DCC: variants seen among roughly 807,000 people sequenced by gnomAD.
DCC encodes DCC netrin 1 receptor.
In DCC, 58 loss-of-function variants were observed where a neutral mutation model predicts 172.5. That is an observed-to-expected ratio of 0.34 (90% confidence interval 0.27 to 0.42). The LOEUF is 0.42. DCC is among the 10% of genes least tolerant of loss of function. The probability of loss-of-function intolerance (pLI) is 1.00; values close to 1 mark genes in which losing one functional copy is unlikely to be tolerated. For missense variants in DCC, 1,740 were observed against 1,791.0 expected (o/e 0.97, Z 0.51); for synonymous variants, 709 against 644.5 (o/e 1.10, Z -1.52).
At chr18:53,206,410 GTAACACATATATGTA>G (rs2144554511) in intron 10 of DCC, among the ~76,000 whole-genome samples, 1 of 46,550 alleles carries the variant, frequency 2.1e-5, no homozygotes, top group Non-Finnish European at 3.6e-5. Flanking sequence ...TATATGTATT[GTAACACATATATGTA>G]TATATGTATA....
At chr18:52,883,347 T>TG (rs1491340028) in intron 2 of DCC, among the ~76,000 whole-genome samples, 10 of 47,704 alleles carry the variant, frequency 2.1e-4, no homozygotes, top group African/African-American at 4.4e-4. Flanking sequence ...TATTTATTTA[T>TG]TTATGTGTGT....
intron 7 of DCC, among the ~76,000 whole-genome samples, chr18:53,132,795 G>A (rs1334151515): frequency 1.3e-5 from 2 of 152,078 alleles, no homozygotes; most frequent in Non-Finnish European, 2.9e-5. Flanking sequence ...CAATTCCAGA[G>A]TCCTCCACTG....
chr18:53,104,292 G>A (rs2043214268), intron 7 of DCC, among the ~76,000 whole-genome samples: 1 of 152,012 alleles, frequency 6.6e-6, no homozygotes, highest in African/African-American at 2.4e-5. Flanking sequence ...TGTTGTGGGA[G>A]GGAGCCTGTA....
intron 1 of DCC, among the ~76,000 whole-genome samples, chr18:52,561,540 T>C (rs1371954565): frequency 6.6e-6 from 1 of 152,120 alleles, no homozygotes; most frequent in African/African-American, 2.4e-5. Context: ...CCTTAGTTTA[T>C]ACATACTTTA....
chr18:52,484,455 T>A (rs934805492), intron 1 of DCC, among the ~76,000 whole-genome samples: 10 of 152,158 alleles, frequency 6.6e-5, no homozygotes, highest in Non-Finnish European at 1.3e-4. Context: ...CCATTCAGCA[T>A]TCCTTGATCA....
chr18:53,452,487 G>A (rs1325133103), intron 23 of DCC, among the ~76,000 whole-genome samples: 1 of 152,112 alleles, frequency 6.6e-6, no homozygotes. Context: ...GAGAACACCA[G>A]TCTTCTCAAT....
At chr18:52,647,170 T>G (rs781306730) in intron 1 of DCC, among the ~76,000 whole-genome samples, 5 of 152,180 alleles carry the variant, frequency 3.3e-5, no homozygotes, top group Non-Finnish European at 5.9e-5. Flanking sequence ...TGCCAGACAG[T>G]AAAGGGGTTG....
intron 15 of DCC, 91 bp downstream of exon 15, chr18:53,339,998 G>T: frequency 2.6e-6 from 3 of 1,175,808 alleles, no homozygotes; most frequent in Non-Finnish European, 3.7e-6. Flanking sequence ...TCCCTGGTAT[G>T]ATGGTTTCAA....
At chr18:53,071,793 T>C (rs939442595) in intron 7 of DCC, among the ~76,000 whole-genome samples, 1 of 152,190 alleles carries the variant, frequency 6.6e-6, no homozygotes, top group Non-Finnish European at 1.5e-5. Flanking sequence ...TTACTGCAAG[T>C]ATACTATTCA....
Position 53,530,927 on chromosome 18 carries a change from C to A in DCC, c.*274C>A, listed in dbSNP as rs1012347449. On this transcript the variant is annotated 3_prime_UTR_variant, in exon 29 of 29. Transcript: ENST00000442544. ...TCAAAGTTTAAGCTGCTAGAATAGT[C>A]ATGGGCCTTTGTCACTGCAGTGACC... 9 of 555,786 alleles carry A rather than the reference C, an allele frequency of 1.6e-5. No homozygotes were observed. The highest frequency in any genetic ancestry group is 2.9e-5 in the Non-Finnish European group (9 of 308,626). The allele number at this position is 555,786 out of a possible 1,614,324, so 34.4% of individuals were successfully genotyped here.
intron 7 of DCC, among the ~76,000 whole-genome samples, chr18:53,092,144 T>C (rs187189085): frequency 6.6e-6 from 1 of 152,270 alleles, no homozygotes; most frequent in East Asian, 1.9e-4. Context: ...GGCTTCAAAA[T>C]TTGGAGAGTT....
At chr18:52,515,350 G>T (rs1335244851) in intron 1 of DCC, among the ~76,000 whole-genome samples, 3 of 151,946 alleles carry the variant, frequency 2.0e-5, no homozygotes, top group Admixed American at 2.0e-4. Flanking sequence ...GCTCACGCCT[G>T]TAATCTCAAT....
rs568710557 is a variant in DCC at position 52,593,281 on chromosome 18, C to T, written c.92-158773C>T. On this transcript the variant is annotated intron_variant, in intron 1 of 28. Coordinates refer to ENST00000442544, the MANE Select transcript of DCC (RefSeq NM_005215.4). The stretch of plus-strand genomic sequence containing the variant: ...AGTTTTCTAAAGGTCTAAGTCAGAA[C>T]GTGGTAAACTACACAAATTGATTAT... Among the ~76,000 whole-genome samples, 44 of 152,252 alleles carry T rather than the reference C, an allele frequency of 2.9e-4. 1 individual carries two copies. In the South Asian group the frequency reaches 8.5e-3, roughly 29 times the overall value.
intron 2 of DCC, among the ~76,000 whole-genome samples, chr18:52,777,065 A>G (rs2037447743): frequency 6.6e-6 from 1 of 152,098 alleles, no homozygotes; most frequent in African/African-American, 2.4e-5. Context: ...ATTTATTTTT[A>G]CTTTTTAAAA....
chr18:52,879,412 C>CTTTTTTTT (rs71175533), intron 2 of DCC, among the ~76,000 whole-genome samples: 721 of 62,232 alleles, frequency 0.012, 138 homozygotes, highest in East Asian at 0.028. Flanking sequence ...TGTTGTTTGG[C>CTTTTTTTT]TTTTTTTTTT....
intron 1 of DCC, among the ~76,000 whole-genome samples, chr18:52,422,932 G>A (rs1410043759): frequency 6.6e-6 from 1 of 152,140 alleles, no homozygotes; most frequent in Non-Finnish European, 1.5e-5. Flanking sequence ...TTGTGCAGGT[G>A]GTGGCAGGAC....
intron 14 of DCC, among the ~76,000 whole-genome samples, chr18:53,330,740 G>C (rs2057521961): frequency 6.6e-6 from 1 of 152,040 alleles, no homozygotes; most frequent in Non-Finnish European, 1.5e-5. Flanking sequence ...CTTTACCCAA[G>C]TGTATTTTCA....
chr18:52,493,293 A>G (rs991183957), intron 1 of DCC, among the ~76,000 whole-genome samples: 2 of 152,204 alleles, frequency 1.3e-5, no homozygotes, highest in Non-Finnish European at 2.9e-5. Context: ...CTGGCAAGTA[A>G]CATGACCAGA....
At chr18:52,561,576 C>T (rs1161309886) in intron 1 of DCC, among the ~76,000 whole-genome samples, 2 of 151,996 alleles carry the variant, frequency 1.3e-5, no homozygotes, top group Non-Finnish European at 2.9e-5. Flanking sequence ...CTCGAAAAAG[C>T]GAATGTGGAA....
Sources: allele counts gnomAD v4.1 joint callset (sites outside exome capture counted in the v4.1 genomes callset), GRCh38; gene constraint gnomAD v4.1.1; transcripts MANE v1.5; gene names NCBI Gene and HGNC (gene_info 2026-07-23, HGNC 2026-07-21).